Variants in DNER observed in about 807,000 individuals in gnomAD.
DNER encodes delta/notch like EGF repeat containing.
A neutral mutation model predicts 78.2 loss-of-function variants in DNER; 33 were observed. That is an observed-to-expected ratio of 0.42 (90% confidence interval 0.32 to 0.56). DNER has a LOEUF of 0.56. DNER is among the 20% of genes least tolerant of loss of function. DNER has a pLI of 0.11. For synonymous variants in DNER, 417 were observed against 384.8 expected (o/e 1.08, Z -0.98); for missense variants, 918 against 975.3 (o/e 0.94, Z 0.78).
intron 4 of DNER, among the ~76,000 whole-genome samples, chr2:229,582,531 GA>G (rs201611644): frequency 5.5e-5 from 8 of 145,838 alleles, no homozygotes; most frequent in African/African-American, 2.0e-4. Flanking sequence ...TTTTCAAAAT[GA>G]AAAAAAAATG....
intron 1 of DNER, among the ~76,000 whole-genome samples, chr2:229,646,814 G>A (rs1012655184): frequency 6.6e-6 from 1 of 152,238 alleles, no homozygotes; most frequent in Non-Finnish European, 1.5e-5. Flanking sequence ...GGAGGCCAGA[G>A]ACAATAGAAA....
intron 7 of DNER, among the ~76,000 whole-genome samples, chr2:229,459,887 G>A (rs1434126312): frequency 7.2e-5 from 11 of 151,862 alleles, no homozygotes. Flanking sequence ...GCCGGGCACG[G>A]TGGCTCACGC....
At chr2:229,409,092 T>C (rs1693451832) in intron 9 of DNER, among the ~76,000 whole-genome samples, 1 of 152,216 alleles carries the variant, frequency 6.6e-6, no homozygotes, top group African/African-American at 2.4e-5. Context: ...AATGTTAAGA[T>C]TAGCATAAAT....
At chr2:229,648,874 T>C (rs1419395850) in intron 1 of DNER, among the ~76,000 whole-genome samples, 1 of 152,246 alleles carries the variant, frequency 6.6e-6, no homozygotes, top group East Asian at 1.9e-4. Context: ...ATCACCTCTA[T>C]ATTCACTGTT....
At chr2:229,685,961 A>G (rs534833828) in intron 1 of DNER, among the ~76,000 whole-genome samples, 15 of 152,238 alleles carry the variant, frequency 9.9e-5, no homozygotes, top group Non-Finnish European at 1.9e-4. Flanking sequence ...TGACCCATGC[A>G]TGGGTAGAGC....
chr2:229,488,115 G>A (rs907806469), intron 6 of DNER, among the ~76,000 whole-genome samples: 9 of 152,216 alleles, frequency 5.9e-5, no homozygotes, highest in Admixed American at 3.9e-4. Flanking sequence ...TGGTCTGGAC[G>A]AAATGAGAGA....
chr2:229,588,242 G>C (rs1220759497), intron 3 of DNER, 152 bp downstream of exon 3: 1 of 668,432 alleles, frequency 1.5e-6, no homozygotes, highest in Non-Finnish European at 2.5e-6. Flanking sequence ...GCTTCCTCTA[G>C]TTTTCAAATG....
chr2:229,507,210 C>G (rs1695761865), intron 6 of DNER, among the ~76,000 whole-genome samples: 1 of 152,076 alleles, frequency 6.6e-6, no homozygotes, highest in African/African-American at 2.4e-5. Flanking sequence ...GAAAAGTTAC[C>G]ATCAAAATAC....
chr2:229,657,774 G>A (rs931448753), intron 1 of DNER, among the ~76,000 whole-genome samples: 3 of 152,124 alleles, frequency 2.0e-5, no homozygotes, highest in African/African-American at 4.8e-5. Flanking sequence ...AATACCTGCC[G>A]GGTGGATAAG....
rs1486161264 is a variant in DNER, at chr2:229,414,038, GA to G, written c.1609+4069del. ...GAAAATGTCCATCCCCCCACGGAGA[GA>G]AAAGCACAGGATCATGTGGCCTCTC... On this transcript the variant is annotated intron_variant, in intron 9 of 12. Coordinates refer to ENST00000341772, the MANE Select transcript of DNER (RefSeq NM_139072.4). Among the ~76,000 whole-genome samples the G allele has an allele frequency of 3.9e-5, 6 of 152,020 alleles. No individual in the cohort carries two copies. The East Asian group carries it at 7.8e-4, about 20-fold the overall frequency.
At chr2:229,692,753 T>C (rs1170709622) in intron 1 of DNER, among the ~76,000 whole-genome samples, 1 of 152,196 alleles carries the variant, frequency 6.6e-6, no homozygotes, top group East Asian at 1.9e-4. Flanking sequence ...TATTCCACTG[T>C]TTCAATTCAT....
At chr2:229,415,091 G>A (rs1693616088) in intron 9 of DNER, among the ~76,000 whole-genome samples, 1 of 151,312 alleles carries the variant, frequency 6.6e-6, no homozygotes, top group Admixed American at 6.6e-5. Context: ...GAACCCAGGA[G>A]GTGGAGGTTG....
intron 5 of DNER, among the ~76,000 whole-genome samples, chr2:229,537,563 C>T (rs1348253356): frequency 6.6e-6 from 1 of 152,118 alleles, no homozygotes; most frequent in Non-Finnish European, 1.5e-5. Flanking sequence ...AAATCCCCTT[C>T]TACTCTAAAT....
chr2:229,639,843 T>C (rs1361046532), intron 1 of DNER, among the ~76,000 whole-genome samples: 3 of 152,140 alleles, frequency 2.0e-5, no homozygotes, highest in Non-Finnish European at 4.4e-5. Flanking sequence ...CCTTGAATGA[T>C]GATCCAGTGT....
At chr2:229,467,207 G>T (rs1019343393) in intron 7 of DNER, among the ~76,000 whole-genome samples, 2 of 152,100 alleles carry the variant, frequency 1.3e-5, no homozygotes, top group African/African-American at 4.8e-5. Flanking sequence ...CTTCTTCATA[G>T]AAATTATAAT....
chr2:229,568,969 G>A (rs1306916548), intron 4 of DNER, among the ~76,000 whole-genome samples: 1 of 152,132 alleles, frequency 6.6e-6, no homozygotes, highest in Non-Finnish European at 1.5e-5. Context: ...GTGTGCTTAT[G>A]GATGGATGTG....
intron 3 of DNER, chr2:229,586,767 C>CTG: frequency 2.0e-5 from 20 of 985,818 alleles, no homozygotes; most frequent in Non-Finnish European, 2.2e-5. Flanking sequence ...CCAGAGACTC[C>CTG]TGACCACTTC....
chr2:229,490,574 G>T (rs1206693111), intron 6 of DNER, among the ~76,000 whole-genome samples: 1 of 152,074 alleles, frequency 6.6e-6, no homozygotes, highest in Admixed American at 6.5e-5. Flanking sequence ...TAGAGCTGGG[G>T]GGTGGGGAGG....
rs986663181 is a variant in DNER, at chr2:229,684,101, A to T, written c.276+30047T>A. Among the ~76,000 whole-genome samples, 101 of 129,994 alleles carry T rather than the reference A, an allele frequency of 7.8e-4. 2 individuals are homozygous for T. In the East Asian group the frequency reaches 0.025, roughly 33 times the overall value. The allele number at this position is 129,994 out of a possible 152,430, so 85.3% of individuals were successfully genotyped here. A position where few individuals can be genotyped will look rare whatever the true frequency, so the allele number is the denominator to read the frequency against. On this transcript the variant is annotated intron_variant, in intron 1 of 12. Transcript: ENST00000341772. ...GAGAACAGGAGATAGTACCTACCAG[A>T]GTGTGTGTGTGTGTGTGTGTGTTTG...
Sources: allele counts gnomAD v4.1 joint callset (sites outside exome capture counted in the v4.1 genomes callset), GRCh38; gene constraint gnomAD v4.1.1; transcripts MANE v1.5; gene names NCBI Gene and HGNC (gene_info 2026-07-23, HGNC 2026-07-21).